The following SNRPN variants were observed in gnomAD, a reference collection of about 807,000 sequenced individuals.
The protein encoded by SNRPN is small nuclear ribonucleoprotein polypeptide N.
Under a neutral mutation model 25.2 loss-of-function variants are expected in SNRPN, and 7 were observed. The observed-to-expected ratio is 0.28, with a 90% CI of 0.16 to 0.52. SNRPN has a LOEUF of 0.52. SNRPN is among the 20% of genes least tolerant of loss of function. The pLI, the probability that SNRPN is intolerant of heterozygous loss-of-function variation, is 0.96. For missense variants in SNRPN, 196 were observed against 322.5 expected (o/e 0.61, Z 3.00); for synonymous variants, 124 against 110.6 (o/e 1.12, Z -0.76).
upstream of SNRPN, chr15:24,851,933 C>G (rs1180237552): frequency 6.6e-6 from 1 of 152,174 alleles, no homozygotes; most frequent in African/African-American, 2.4e-5. Flanking sequence ...TTTTGTGCGT[C>G]TCAGATGATG....
rs58343685 is a variant in SNRPN at position 24,923,881 on chromosome 15, A to ATG, written c.-391+3789_-391+3790dup. ...GATTTGTTTCTTTTTAGTGCCGTGT[A>ATG]TGTGTGTGTGTGTGTGTGTGTGTGT... On this transcript the variant is annotated intron_variant, in intron 3 of 11. Coordinates refer to the SNRPN transcript ENST00000400097. 8.8e-3 allele frequency among the ~76,000 whole-genome samples: 933 copies of ATG among 105,816 alleles called. 40 individuals are homozygous for ATG. The highest frequency in any genetic ancestry group is 0.011 in the Middle Eastern group (2 of 178). 69.4% of individuals were successfully genotyped at this position (105,816 alleles called of 152,430 possible).
At chr15:24,884,942 G>C (rs1257955961) in intron 1 of SNRPN, among the ~76,000 whole-genome samples, 1 of 152,144 alleles carries the variant, frequency 6.6e-6, no homozygotes, top group Non-Finnish European at 1.5e-5. Flanking sequence ...ATAGAGTAGA[G>C]CATCCTCAGA....
intron 3 of SNRPN, 38 bp from the exon 4 acceptor site, chr15:24,974,272 GT>G (rs538021859): frequency 1.3e-5 from 8 of 610,498 alleles, no homozygotes; most frequent in Non-Finnish European, 2.4e-5. Context: ...TTAAAACATG[GT>G]AGATTGCAGT....
chr15:24,853,584 G>T (rs563253455), upstream of SNRPN, among the ~76,000 whole-genome samples: 1 of 152,014 alleles, frequency 6.6e-6, no homozygotes, highest in Admixed American at 6.6e-5. Context: ...TAGTGGAGAC[G>T]GGGTTTCACC....
intron 7 of SNRPN, 58 bp from the exon 8 acceptor site, chr15:24,977,720 T>C: frequency 6.8e-7 from 1 of 1,477,022 alleles, no homozygotes; most frequent in Non-Finnish European, 9.1e-7. Context: ...TTATTTTCTG[T>C]GTTTGAATAA....
intron 2 of SNRPN, among the ~76,000 whole-genome samples, chr15:24,964,985 T>C (rs887870236): frequency 2.6e-5 from 4 of 152,112 alleles, no homozygotes; most frequent in South Asian, 2.1e-4. Flanking sequence ...CTGAGTAAAG[T>C]GTAGAGTTAG....
Position 24,929,282 on chromosome 15 carries a change from T to G in SNRPN, c.-391+9158T>G, listed in dbSNP as rs185124698. On this transcript the variant is annotated intron_variant, in intron 3 of 11. Transcript: ENST00000400097. This position sits in a 1 kb window ranked among gnomAD's most constrained non-coding sequence, Gnocchi z 5.3. The stretch of plus-strand genomic sequence containing the variant: ...CCTATTTGTAGAGCTTCCTTCCACA[T>G]TAAGAACCCTCTCTCCCAGTGAGTG... Among the ~76,000 whole-genome samples the G allele has an allele frequency of 4.6e-4, 70 of 152,256 alleles. No individual in the cohort carries two copies. The highest frequency in any genetic ancestry group is 7.6e-4 in the Non-Finnish European group (52 of 68,022).
intron 3 of SNRPN, among the ~76,000 whole-genome samples, chr15:24,973,178 C>A (rs1214429736): frequency 6.6e-6 from 1 of 152,110 alleles, no homozygotes; most frequent in Non-Finnish European, 1.5e-5. Context: ...CGTGAGCCAC[C>A]ACACCCAGCC....
At chr15:24,954,880 C>T, upstream of SNRPN, 2 of 919,112 alleles carry the variant, frequency 2.2e-6, no homozygotes, top group East Asian at 2.6e-5. Flanking sequence ...AGCTGGGACC[C>T]CTGCACTGCG....
chr15:24,973,323 A>C (rs535673832), intron 3 of SNRPN, among the ~76,000 whole-genome samples: 1 of 152,300 alleles, frequency 6.6e-6, no homozygotes, highest in Admixed American at 6.5e-5. Flanking sequence ...GGTTTGTGTA[A>C]GTACACTGTT....
At chr15:24,922,037 TAAAAAAAAAAAAA>T (rs67089476) in intron 3 of SNRPN, among the ~76,000 whole-genome samples, 2 of 94,416 alleles carry the variant, frequency 2.1e-5, no homozygotes, top group Admixed American at 1.2e-4. Flanking sequence ...CCGTCTCTAC[TAAAAAAAAAAAAA>T]AAAAAAAAAA....
Position 24,880,393 on chromosome 15 carries a change from A to G in SNRPN, c.-578-6123A>G, listed in dbSNP as rs563588974. On this transcript the variant is annotated intron_variant, in intron 1 of 11. Coordinates refer to the SNRPN transcript ENST00000400097. Reference sequence around the variant, plus strand: ...TCCTGGAGCCCGCAGTCTGCACCACAGCCTCACTTCTGGGTTTCTGCCTGT... The same window carrying G: ...TCCTGGAGCCCGCAGTCTGCACCACGGCCTCACTTCTGGGTTTCTGCCTGT... Among the ~76,000 whole-genome samples, 21 of 152,280 alleles carry G rather than the reference A, an allele frequency of 1.4e-4. No homozygotes were observed. In the South Asian group the frequency reaches 3.7e-3, roughly 27 times the overall value.
intron 1 of SNRPN, among the ~76,000 whole-genome samples, chr15:24,860,305 C>A (rs2053879465): frequency 6.8e-6 from 1 of 147,550 alleles, no homozygotes; most frequent in Non-Finnish European, 1.5e-5. Context: ...AATTTTCTTG[C>A]ATATGGAGAG....
chr15:24,948,601 G>C (rs2062028433), intron 3 of SNRPN, among the ~76,000 whole-genome samples: 1 of 151,794 alleles, frequency 6.6e-6, no homozygotes, highest in Non-Finnish European at 1.5e-5. Flanking sequence ...TCTGTTCCAG[G>C]ATCTCACCCA....
intron 3 of SNRPN, among the ~76,000 whole-genome samples, chr15:24,927,303 A>G (rs1410290904): frequency 2.0e-5 from 3 of 151,562 alleles, no homozygotes; most frequent in Admixed American, 6.6e-5. Context: ...AAAATTTTTT[A>G]TAGAGACAGG....
intron 4 of SNRPN, chr15:24,975,093 T>G (rs145587458): frequency 3.1e-6 from 2 of 648,748 alleles, no homozygotes; most frequent in East Asian, 5.4e-5. Context: ...GTGGACAGTT[T>G]AGAGCATGCA....
intron 1 of SNRPN, among the ~76,000 whole-genome samples, chr15:24,957,968 A>G (rs553565519): frequency 6.6e-6 from 1 of 152,206 alleles, no homozygotes; most frequent in Admixed American, 6.5e-5. Flanking sequence ...TTTTGGAGGC[A>G]GGGAGTGGCA....
At chr15:24,835,096 AG>A (rs2051008301) in intron 2 of SNRPN, among the ~76,000 whole-genome samples, 1 of 28,468 alleles carries the variant, frequency 3.5e-5, no homozygotes, top group Non-Finnish European at 8.1e-5. Context: ...TAAAATATAT[AG>A]ATATATATAC....
intron 2 of SNRPN, among the ~76,000 whole-genome samples, chr15:24,833,509 T>G (rs2050740744): frequency 1.3e-5 from 2 of 152,116 alleles, no homozygotes; most frequent in South Asian, 4.2e-4. Flanking sequence ...AAAAATCAAC[T>G]GGCAAAAGGA....
Sources: gnomAD v4.1 joint callset for allele counts (sites outside exome capture counted in the v4.1 genomes callset) on GRCh38, gnomAD v4.1.1 for gene constraint, Gnocchi (gnomAD v3.1) non-coding constraint, MANE v1.5 for transcripts, NCBI Gene and HGNC (gene_info 2026-07-23, HGNC 2026-07-21) for gene names.